PABPC4L: variants seen among roughly 807,000 people sequenced by gnomAD.
PABPC4L encodes polyadenylate-binding protein 4-like.
For synonymous variants in PABPC4L, 169 were observed against 164.1 expected (o/e 1.03, Z -0.23); for missense variants, 452 against 451.4 (o/e 1.00, Z -0.01).
the PABPC4L span, among the ~76,000 whole-genome samples, chr4:134,186,149 C>T: frequency 1.8e-4 from 28 of 152,240 alleles, 1 homozygote; most frequent in Middle Eastern, 3.4e-3. Context: ...CCCCATCAAG[C>T]TACCAATGAC....
the PABPC4L span, among the ~76,000 whole-genome samples, chr4:134,053,867 G>C: frequency 7.1e-4 from 108 of 152,012 alleles, no homozygotes; most frequent in Non-Finnish European, 1.4e-3. Flanking sequence ...AAGTAATTCT[G>C]AGTCTAAGCA....
chr4:134,020,354 T>G, the PABPC4L span, among the ~76,000 whole-genome samples: 1 of 152,256 alleles, frequency 6.6e-6, no homozygotes, highest in Non-Finnish European at 1.5e-5. Context: ...GATGAAGGAT[T>G]AATTTTCTTA....
chr4:134,131,714 CAAAAAA>C, the PABPC4L span, among the ~76,000 whole-genome samples: 1 of 10,672 alleles, frequency 9.4e-5, no homozygotes, highest in African/African-American at 4.8e-4. Flanking sequence ...CCTGTGAAAC[CAAAAAA>C]AAAAAAAAAA....
At chr4:134,161,036 G>T in the PABPC4L span, among the ~76,000 whole-genome samples, 9 of 152,050 alleles carry the variant, frequency 5.9e-5, no homozygotes, top group South Asian at 1.7e-3. Context: ...TGAGCTTGAA[G>T]TTAACACAAA....
the PABPC4L span, among the ~76,000 whole-genome samples, chr4:133,954,275 GCGCTCTTTACTA>G: frequency 6.6e-6 from 1 of 152,158 alleles, no homozygotes; most frequent in African/African-American, 2.4e-5. Context: ...CAATGGGTGA[GCGCTCTTTACTA>G]CGCTCTTTTT....
At chr4:134,139,406 G>A in the PABPC4L span, among the ~76,000 whole-genome samples, 1 of 151,924 alleles carries the variant, frequency 6.6e-6, no homozygotes, top group Non-Finnish European at 1.5e-5. Context: ...GTGACATGTA[G>A]CAATTAGAAA....
chr4:134,101,476 T>G, the PABPC4L span, among the ~76,000 whole-genome samples: 5 of 151,608 alleles, frequency 3.3e-5, no homozygotes, highest in East Asian at 9.7e-4. Flanking sequence ...TGAGAAGTTT[T>G]TTCCTTGGAT....
the PABPC4L span, among the ~76,000 whole-genome samples, chr4:133,988,852 G>C: frequency 6.6e-6 from 1 of 152,136 alleles, no homozygotes; most frequent in Non-Finnish European, 1.5e-5. Context: ...ACTTCTGCTT[G>C]AACATCGCGC....
At chr4:134,117,995 T>C in the PABPC4L span, among the ~76,000 whole-genome samples, 1 of 151,862 alleles carries the variant, frequency 6.6e-6, no homozygotes. Context: ...ATTTTTCTCC[T>C]GTAATCCAGC....
At chr4:134,105,613 A>G in the PABPC4L span, among the ~76,000 whole-genome samples, 1 of 151,826 alleles carries the variant, frequency 6.6e-6, no homozygotes, top group African/African-American at 2.4e-5. Flanking sequence ...CTTTACATAC[A>G]GACATACAAA....
the PABPC4L span, among the ~76,000 whole-genome samples, chr4:133,995,277 G>A: frequency 9.7e-4 from 147 of 152,036 alleles, 1 homozygote; most frequent in Non-Finnish European, 3.7e-4. Context: ...CTCCCTCTTC[G>A]TATGACCTGA....
At chr4:134,037,312 GATTCCTTTCA>G in the PABPC4L span, among the ~76,000 whole-genome samples, 2 of 152,052 alleles carry the variant, frequency 1.3e-5, no homozygotes, top group African/African-American at 4.8e-5. Flanking sequence ...TGGTCATCTA[GATTCCTTTCA>G]GCAGTGTTTT....
the PABPC4L span, among the ~76,000 whole-genome samples, chr4:134,154,860 G>A: frequency 6.6e-6 from 1 of 151,678 alleles, no homozygotes. Context: ...CATTTTTGTT[G>A]CTTAATTTGA....
the PABPC4L span, among the ~76,000 whole-genome samples, chr4:134,112,564 A>G: frequency 6.9e-6 from 1 of 145,484 alleles, no homozygotes; most frequent in Non-Finnish European, 1.5e-5. Context: ...ACTATGCTCC[A>G]CGTAACTATC....
chr4:134,103,792 G>A, the PABPC4L span, among the ~76,000 whole-genome samples: 1 of 151,610 alleles, frequency 6.6e-6, no homozygotes, highest in Non-Finnish European at 1.5e-5. Flanking sequence ...ATAGTTCATC[G>A]ATAACTGAAA....
chr4:134,079,094 C>G, the PABPC4L span, among the ~76,000 whole-genome samples: 1 of 150,620 alleles, frequency 6.6e-6, no homozygotes, highest in Non-Finnish European at 1.5e-5. Flanking sequence ...GCCTCAGCCT[C>G]CAAAGTAGCT....
the PABPC4L span, among the ~76,000 whole-genome samples, chr4:134,157,781 A>T: frequency 6.6e-6 from 1 of 151,752 alleles, no homozygotes. Flanking sequence ...CAGGTCTGTC[A>T]CTTATATAAA....
At chr4:134,153,151 T>C in the PABPC4L span, among the ~76,000 whole-genome samples, 1 of 152,168 alleles carries the variant, frequency 6.6e-6, no homozygotes, top group Admixed American at 6.6e-5. Flanking sequence ...CCAAACATAA[T>C]AGAATTCCTT....
At chr4:134,105,094 C>A in the PABPC4L span, among the ~76,000 whole-genome samples, 685 of 151,862 alleles carry the variant, frequency 4.5e-3, 7 homozygotes, top group African/African-American at 0.016. Context: ...TTAAGTGTGT[C>A]TCTGTCAATG....
Sources: allele counts gnomAD v4.1 joint callset (sites outside exome capture counted in the v4.1 genomes callset), GRCh38; gene constraint gnomAD v4.1.1; transcripts MANE v1.5; gene names NCBI Gene and HGNC (gene_info 2026-07-23, HGNC 2026-07-21).